ENAM: variants seen among roughly 807,000 people sequenced by gnomAD.
The protein encoded by ENAM is amelogenesis imperfecta 2, hypocalcification (autosomal dominant).
In ENAM, 21 loss-of-function variants were observed where a neutral mutation model predicts 33.6. That is an observed-to-expected ratio of 0.63 (90% CI 0.44 to 0.90). ENAM has a LOEUF of 0.90. Ranked by LOEUF, ENAM falls within the 40% of genes least tolerant of loss-of-function variation. The pLI, the probability that ENAM is intolerant of heterozygous loss-of-function variation, is 0.00. For synonymous variants in ENAM, 473 were observed against 468.4 expected (o/e 1.01, Z -0.13); for missense variants, 1,388 against 1,366.9 (o/e 1.02, Z -0.24).
intron 7 of ENAM, among the ~76,000 whole-genome samples, chr4:70,636,890 G>A (rs1031097861): frequency 3.9e-5 from 6 of 152,026 alleles, no homozygotes; most frequent in Non-Finnish European, 8.8e-5. Context: ...TTAAAAATAC[G>A]AATGGCAAAA....
In ENAM at chr4:70,644,637, G is replaced by T; in HGVS notation, c.3211G>T (p.Gly1071Ter). Residue 1071 changes from glycine (G) to a stop codon, truncating the protein, a stop_gained, in exon 9 of 9, where the codon GGA (glycine) becomes TGA (stop). Coordinates refer to ENST00000396073, the MANE Select transcript of ENAM (RefSeq NM_031889.3). LOFTEE classifies it high-confidence loss of function. ...KLAKHHSSTT[G>*]TPSSDGRQSP... ...AGCAAAGCATCACTCTTCCACCACCGGAACTCCATCTAGCGATGGAAGGCA... is the reference window on the plus strand; with the variant it reads ...AGCAAAGCATCACTCTTCCACCACCTGAACTCCATCTAGCGATGGAAGGCA... 1 of 1,613,888 alleles carries T rather than the reference G, an allele frequency of 6.2e-7. No homozygotes were observed. Among genetic ancestry groups the T allele is most frequent in the Non-Finnish European group, 8.5e-7 (1 of 1,179,914 alleles).
Position 70,643,506 on chromosome 4 carries a change from A to C in ENAM, c.2080A>C (p.Asn694His). The C allele has an allele frequency of 6.2e-7, 1 of 1,614,146 alleles. No individual in the cohort carries two copies. Among genetic ancestry groups the C allele is most frequent in the Non-Finnish European group, 8.5e-7 (1 of 1,179,998 alleles). ...RHYEGEQYTS[N>H]QPKEYLPYSL... ...CTATGAAGGTGAACAATATACCTCA[A>C]ATCAGCCAAAGGAATATCTTCCCTA... Residue 694 changes from asparagine (N) to histidine (H), a missense_variant, in exon 9 of 9, where the codon AAT becomes CAT. Asn to His is a moderately conservative substitution (Grantham distance 68). Transcript: ENST00000396073.
Position 70,644,642 on chromosome 4 carries a change from T to G in ENAM, c.3216T>G (p.Thr1072=). The change falls in exon 9 of 9, where the codon ACT becomes ACG. Residue 1072 remains threonine (T), a synonymous_variant. Coordinates refer to ENST00000396073, the MANE Select transcript of ENAM (RefSeq NM_031889.3). The part of the protein sequence containing the change: ...LAKHHSSTTG[T]PSSDGRQSPF... The stretch of plus-strand genomic sequence containing the variant: ...AGCATCACTCTTCCACCACCGGAAC[T>G]CCATCTAGCGATGGAAGGCAAAGCC... The G allele has an allele frequency of 6.2e-7, 1 of 1,613,986 alleles. No homozygotes were observed. The highest frequency in any genetic ancestry group is 8.5e-7 in the Non-Finnish European group (1 of 1,179,942).
Position 70,642,151 on chromosome 4 carries a change from C to T in ENAM, c.725C>T (p.Pro242Leu), listed in dbSNP as rs1477253370. The T allele has an allele frequency of 1.2e-6, 2 of 1,614,042 alleles. No homozygotes were observed. The highest frequency in any genetic ancestry group is 1.1e-5 in the South Asian group (1 of 91,070). ...AAAGCAGAAAGTCCAGGCACAGAAC[C>T]CACAGCTAATTCAACAGTCACTGAG... is the stretch of plus-strand genomic sequence containing the variant. ...PPKAESPGTEPTANSTVTETN... is the reference protein window; with the variant it reads ...PPKAESPGTELTANSTVTETN... The change falls in exon 9 of 9, where the codon CCC (proline) becomes CTC (leucine). Residue 242 changes from proline (P) to leucine (L), a missense_variant. Pro to Leu is a moderately conservative substitution (Grantham distance 98). Coordinates refer to ENST00000396073, the MANE Select transcript of ENAM (RefSeq NM_031889.3).
Position 70,644,140 on chromosome 4 carries a change from A to G in ENAM, c.2714A>G (p.Asp905Gly), listed in dbSNP as rs199816355. Residue 905 changes from aspartate (D) to glycine (G), a missense_variant, in exon 9 of 9, where the codon GAC (aspartate) becomes GGC (glycine). Transcript: ENST00000396073. ...SYGLAPGENQ[D>G]TSPLYTDGSH... is the part of the protein sequence containing the mutation. The stretch of plus-strand genomic sequence containing the variant: ...GGTCTTGCACCTGGGGAGAACCAAG[A>G]CACCAGTCCTCTGTATACAGACGGT... The G allele has an allele frequency of 6.2e-7, 1 of 1,614,132 alleles. No individual in the cohort carries two copies. Among genetic ancestry groups the G allele is most frequent in the Non-Finnish European group, 8.5e-7 (1 of 1,180,012 alleles).
chr4:70,630,536 G>T (rs907315051), intron 2 of ENAM, among the ~76,000 whole-genome samples: 1 of 152,112 alleles, frequency 6.6e-6, no homozygotes, highest in East Asian at 1.9e-4. Context: ...AATAAACCTT[G>T]TTCCAAGATG....
rs747987620 is a variant in ENAM at position 70,644,121 on chromosome 4, G to T, written c.2695G>T (p.Ala899Ser). 4 of 1,613,986 alleles carry T rather than the reference G, an allele frequency of 2.5e-6. No individual in the cohort carries two copies. The African/African-American group carries it at 5.3e-5, about 22-fold the overall frequency. The change falls in exon 9 of 9, where the codon GCA becomes TCA. Residue 899 changes from alanine to serine, a missense_variant. Coordinates refer to ENST00000396073, the MANE Select transcript of ENAM (RefSeq NM_031889.3). ...LQDYTPSYGL[A>S]PGENQDTSPL... ...AGACTACACTCCATCCTATGGTCTT[G>T]CACCTGGGGAGAACCAAGACACCAG...
intron 2 of ENAM, among the ~76,000 whole-genome samples, chr4:70,630,960 T>G (rs1213330575): frequency 6.6e-6 from 1 of 152,138 alleles, no homozygotes; most frequent in African/African-American, 2.4e-5. Context: ...TCAGCTGGTC[T>G]CAAGCTCCTG....
chr4:70,629,345 G>A lies in ENAM; in HGVS notation c.-60-96G>A, dbSNP rs1307176865. ...CTTGATTTTGTGGCCCCCTAATACA[G>A]GTATGACTGGATAAAATAATTAACA... On this transcript the variant is annotated intron_variant, in intron 1 of 8. Coordinates refer to ENST00000396073, the MANE Select transcript of ENAM (RefSeq NM_031889.3). 2.0e-5 allele frequency: 14 copies of A among 704,934 alleles called. 1 individual carries two copies. The East Asian group carries it at 2.8e-4, about 14-fold the overall frequency. 43.7% of individuals were successfully genotyped at this position (704,934 alleles called of 1,614,324 possible).
chr4:70,639,435 C>T (rs554964735), intron 8 of ENAM, among the ~76,000 whole-genome samples: 11 of 151,396 alleles, frequency 7.3e-5, no homozygotes, highest in African/African-American at 2.7e-4. Context: ...ACTAAGAATA[C>T]AAAAATTAGC....
Position 70,644,375 on chromosome 4 carries a change from A to C in ENAM, c.2949A>C (p.Thr983=), listed in dbSNP as rs1226941401. 1.4e-5 allele frequency: 23 copies of C among 1,614,014 alleles called. No homozygotes were observed. Among genetic ancestry groups the C allele is most frequent in the African/African-American group, 2.7e-5 (2 of 74,910 alleles). ...PEASSLQSKN[T]PCLKNDLGGD... Reference sequence around the variant, plus strand: ...CCAGTTCCCTTCAATCAAAGAATACACCTTGTCTCAAAAATGATCTTGGAG... The same window carrying C: ...CCAGTTCCCTTCAATCAAAGAATACCCCTTGTCTCAAAAATGATCTTGGAG... The change falls in exon 9 of 9, where the codon ACA becomes ACC. Residue 983 remains threonine, a synonymous_variant. Transcript: ENST00000396073.
At chr4:70,640,514 A>T (rs1738571054) in intron 8 of ENAM, among the ~76,000 whole-genome samples, 1 of 152,216 alleles carries the variant, frequency 6.6e-6, no homozygotes, top group African/African-American at 2.4e-5. Flanking sequence ...ATAAAGTGCA[A>T]GGGGGAGGAA....
At chr4:70,634,246 G>T in intron 5 of ENAM, 62 bp from the exon 6 acceptor site, 1 of 1,536,014 alleles carries the variant, frequency 6.5e-7, no homozygotes. Context: ...TGACATTAGA[G>T]GATGGAGACA....
rs751620386 is a variant in ENAM at position 70,644,690 on chromosome 4, G to A, written c.3264G>A (p.Thr1088=). The A allele has an allele frequency of 1.8e-5, 29 of 1,614,024 alleles. No individual in the cohort carries two copies. Among genetic ancestry groups the A allele is most frequent in the Non-Finnish European group, 2.3e-5 (27 of 1,180,020 alleles). ...GCCCATTTGATGGGGATTCAATTAC[G>A]CCTACTGAAAATCCTAACACATTGG... ...RQSPFDGDSI[T]PTENPNTLVE... The change falls in exon 9 of 9, where the codon ACG becomes ACA. Residue 1088 remains threonine, a synonymous_variant. Coordinates refer to ENST00000396073, the MANE Select transcript of ENAM (RefSeq NM_031889.3).
At chr4:70,629,048 T>C (rs142969834) in intron 1 of ENAM, 84 bp downstream of exon 1, 4,142 of 168,016 alleles carry the variant, frequency 0.025, 82 homozygotes, top group South Asian at 0.061. Context: ...ATTCTCCTTA[T>C]TGCATTCCTT....
intron 8 of ENAM, among the ~76,000 whole-genome samples, chr4:70,639,916 C>A (rs1379687643): frequency 6.6e-6 from 1 of 152,158 alleles, no homozygotes; most frequent in Admixed American, 6.5e-5. Flanking sequence ...TATTCTACCT[C>A]TTGAGGGCAC....
Position 70,635,911 on chromosome 4 carries a change from T to C in ENAM, c.534+17T>C, listed in dbSNP as rs755991475. 9 of 1,437,848 alleles carry C rather than the reference T, an allele frequency of 6.3e-6. No homozygotes were observed. Among genetic ancestry groups the C allele is most frequent in the Non-Finnish European group, 8.8e-6 (9 of 1,022,594 alleles). 89.1% of individuals were successfully genotyped at this position (1,437,848 alleles called of 1,614,324 possible). A position where few individuals can be genotyped will look rare whatever the true frequency, so the allele number is the denominator to read the frequency against. On this transcript the variant is annotated intron_variant, in intron 7 of 8. Transcript: ENST00000396073. Reference sequence around the variant, plus strand: ...ATTCCACAGGTGAGAAATTTTTTTTTCTTTACACTGTAAGTGAAAAATAAT... The same window carrying C: ...ATTCCACAGGTGAGAAATTTTTTTTCCTTTACACTGTAAGTGAAAAATAAT...
rs961136247 is a variant in ENAM, at chr4:70,646,133, A to C, written c.*1278A>C. 6.6e-6 allele frequency: 1 copy of C among 151,682 alleles called. No individual in the cohort carries two copies. The highest frequency in any genetic ancestry group is 2.4e-5 in the African/African-American group (1 of 41,246). The allele number at this position is 151,682 out of a possible 1,614,324, so 9.4% of individuals were successfully genotyped here. A position where few individuals can be genotyped will look rare whatever the true frequency, so the allele number is the denominator to read the frequency against. On this transcript the variant is annotated 3_prime_UTR_variant, in exon 9 of 9. Transcript: ENST00000396073. Reference sequence around the variant, plus strand: ...GCTACTACTAACATTCTTCATGTCCATGCAGAATTACTTACAGACACTCTT... The same window carrying C: ...GCTACTACTAACATTCTTCATGTCCCTGCAGAATTACTTACAGACACTCTT...
intron 5 of ENAM, among the ~76,000 whole-genome samples, chr4:70,633,526 C>T (rs1211710095): frequency 2.0e-5 from 3 of 151,982 alleles, no homozygotes; most frequent in African/African-American, 4.8e-5. Context: ...ATCCACAAAG[C>T]GTGGGTACAT....
Sources: gnomAD v4.1 joint callset for allele counts (sites outside exome capture counted in the v4.1 genomes callset) on GRCh38, gnomAD v4.1.1 for gene constraint, MANE v1.5 for transcripts, NCBI Gene and HGNC (gene_info 2026-07-23, HGNC 2026-07-21) for gene names.